The following NSD2 variants were observed in gnomAD, a reference collection of about 807,000 sequenced individuals.
NSD2 encodes histone-lysine N-methyltransferase NSD2.
NSD2 carries 12 observed loss-of-function variants against 139.0 expected under a neutral mutation model. The ratio of observed to expected loss-of-function variants is 0.09; its 90% CI spans 0.06 to 0.14. The LOEUF (loss-of-function observed/expected upper bound fraction) is 0.14. NSD2 is among the 10% of genes least tolerant of loss of function. The pLI, the probability that NSD2 is intolerant of heterozygous loss-of-function variation, is 1.00. For missense variants in NSD2, 1,155 were observed against 1,745.0 expected, an observed-to-expected ratio of 0.66 and a Z score of 6.02; for synonymous variants, 669 against 648.7, an observed-to-expected ratio of 1.03 and a Z score of -0.48.
intron 5 of NSD2, among the ~76,000 whole-genome samples, chr4:1,927,872 A>G (rs1721143225): frequency 6.6e-6 from 1 of 151,366 alleles, no homozygotes; most frequent in Non-Finnish European, 1.5e-5. Context: ...TTGGTTTTCC[A>G]TGTTTTTTTG....
rs1057270567 is a variant in NSD2 at position 1,979,637 on chromosome 4, C to T, written c.*728C>T. 3.0e-5 allele frequency: 7 copies of T among 232,424 alleles called. No individual in the cohort carries two copies. The South Asian group carries it at 5.4e-4, about 18-fold the overall frequency. 14.4% of individuals were successfully genotyped at this position (232,424 alleles called of 1,614,324 possible). A position where few individuals can be genotyped will look rare whatever the true frequency, so the allele number is the denominator to read the frequency against. On this transcript the variant is annotated 3_prime_UTR_variant, in exon 22 of 22. Coordinates refer to ENST00000508803, the MANE Select transcript of NSD2 (RefSeq NM_001042424.3). ...ACGCGGAGCACTTTCGAGGCCTGGC[C>T]GGGTTGGGCCTACTTCTCACCTGGG...
Position 1,951,209 on chromosome 4 carries a change from G to A in NSD2, c.2013+6G>A, listed in dbSNP as rs755835567. On this transcript the variant is annotated splice_donor_region_variant and intron_variant, in intron 10 of 21. Transcript: ENST00000508803. Reference sequence around the variant, plus strand: ...AAAAGGAGTATGTGTGCCAGGTGAGGAGAAGGCAGCATCCGCTATGTCCGT... The same window carrying A: ...AAAAGGAGTATGTGTGCCAGGTGAGAAGAAGGCAGCATCCGCTATGTCCGT... The A allele has an allele frequency of 4.4e-5, 71 of 1,613,942 alleles. 2 individuals are homozygous for A. The South Asian group carries it at 7.6e-4, about 17-fold the overall frequency.
intron 9 of NSD2, chr4:1,944,912 C>A: frequency 9.4e-7 from 1 of 1,063,316 alleles, no homozygotes; most frequent in Non-Finnish European, 1.1e-6. Flanking sequence ...TATCTCCCAA[C>A]TAGAAACAGC....
chr4:1,879,311 T>C (rs977271047), intron 1 of NSD2, among the ~76,000 whole-genome samples: 1 of 152,130 alleles, frequency 6.6e-6, no homozygotes, highest in Admixed American at 6.6e-5. Flanking sequence ...CTCCGCCTCC[T>C]GGGTTCACAC....
At chr4:1,876,305 A>G (rs1577346522) in intron 1 of NSD2, among the ~76,000 whole-genome samples, 2 of 152,274 alleles carry the variant, frequency 1.3e-5, no homozygotes, top group East Asian at 3.9e-4. Context: ...TTTTCAAAGC[A>G]TTTTACTTTC....
At chr4:1,971,224 C>A (rs1012366328) in intron 18 of NSD2, among the ~76,000 whole-genome samples, 4 of 152,048 alleles carry the variant, frequency 2.6e-5, no homozygotes, top group African/African-American at 9.7e-5. Flanking sequence ...AAAGGTATGC[C>A]AAGGTGAAGT....
At chr4:1,885,480 G>A (rs528980531) in intron 1 of NSD2, among the ~76,000 whole-genome samples, 10 of 152,166 alleles carry the variant, frequency 6.6e-5, no homozygotes, top group Admixed American at 2.0e-4. Flanking sequence ...CTTCTGATAT[G>A]TTGATAAAAC....
In NSD2 at chr4:1,980,074, C is replaced by T; in HGVS notation, c.*1165C>T. 1 of 233,370 alleles carries T rather than the reference C, an allele frequency of 4.3e-6. No homozygotes were observed. Among genetic ancestry groups the T allele is most frequent in the Non-Finnish European group, 8.5e-6 (1 of 118,104 alleles). 14.5% of individuals were successfully genotyped at this position (233,370 alleles called of 1,614,324 possible). A position where few individuals can be genotyped will look rare whatever the true frequency, so the allele number is the denominator to read the frequency against. The stretch of plus-strand genomic sequence containing the variant: ...TGATCACATGTGCCCTCTGCCAGGG[C>T]ACCTACTGAGAGGTGCGGTCCTGGG... On this transcript the variant is annotated 3_prime_UTR_variant, in exon 22 of 22. Coordinates refer to ENST00000508803, the MANE Select transcript of NSD2 (RefSeq NM_001042424.3).
chr4:1,961,558 C>T (rs971639770), intron 18 of NSD2, among the ~76,000 whole-genome samples: 15 of 152,188 alleles, frequency 9.9e-5, no homozygotes, highest in Non-Finnish European at 7.3e-5. Context: ...GTAGCAGAAT[C>T]GTTTTTGCTT....
At chr4:1,899,181 G>A (rs560726770) in intron 1 of NSD2, 1 of 152,298 alleles carries the variant, frequency 6.6e-6, no homozygotes, top group African/African-American at 2.4e-5. Flanking sequence ...ATTTTTTCAA[G>A]GTTTTACATT....
intron 6 of NSD2, among the ~76,000 whole-genome samples, chr4:1,932,998 A>G (rs1021315472): frequency 1.6e-4 from 25 of 152,276 alleles, no homozygotes; most frequent in African/African-American, 5.5e-4. Context: ...TGTGGTGCCT[A>G]TGCTTGGCAG....
At chr4:1,971,143 G>C (rs917323588) in intron 18 of NSD2, among the ~76,000 whole-genome samples, 12 of 152,184 alleles carry the variant, frequency 7.9e-5, no homozygotes, top group African/African-American at 2.9e-4. Context: ...TGGATTGCTT[G>C]AGCTCTGGAG....
In NSD2 at chr4:1,932,736, G is replaced by A. The variant is rs184095879; in HGVS notation, c.1555+1966G>A. On this transcript the variant is annotated intron_variant, in intron 6 of 21. Transcript: ENST00000508803. ...ATTCCAGCCAATGGAATGGCCAACA[G>A]GAGCGAAACTCCATCTCAAAAAAAA... is the stretch of plus-strand genomic sequence containing the variant. Among the ~76,000 whole-genome samples, 407 of 152,286 alleles carry A rather than the reference G, an allele frequency of 2.7e-3. 3 individuals are homozygous for A. Among genetic ancestry groups the A allele is most frequent in the African/African-American group, 9.4e-3 (391 of 41,560 alleles).
At chr4:1,871,967 C>T (rs1468147695) in intron 1 of NSD2, among the ~76,000 whole-genome samples, 8 of 149,176 alleles carry the variant, frequency 5.4e-5, no homozygotes, top group Non-Finnish European at 1.0e-4. Context: ...GTTCCCGCGG[C>T]GCCGAGCGGG....
intron 9 of NSD2, chr4:1,943,771 T>C (rs947892731): frequency 3.1e-5 from 33 of 1,059,626 alleles, no homozygotes; most frequent in Non-Finnish European, 3.8e-5. Context: ...AAAAAGATGG[T>C]ATAAAAATGG....
chr4:1,914,916 A>T (rs1719159183), intron 3 of NSD2, among the ~76,000 whole-genome samples: 1 of 151,970 alleles, frequency 6.6e-6, no homozygotes, highest in Non-Finnish European at 1.5e-5. Flanking sequence ...GGACTGTTTT[A>T]GTTGGAGACT....
chr4:1,947,642 A>G, intron 9 of NSD2: 7 of 1,055,682 alleles, frequency 6.6e-6, no homozygotes, highest in Non-Finnish European at 8.0e-6. Flanking sequence ...TTGATTTCAC[A>G]CTCATTTAAT....
chr4:1,921,172 C>T (rs1364521189), intron 5 of NSD2, among the ~76,000 whole-genome samples: 1 of 152,030 alleles, frequency 6.6e-6, no homozygotes, highest in Non-Finnish European at 1.5e-5. Context: ...AAGCATTCTC[C>T]TTAGGCCAGG....
intron 3 of NSD2, 57 bp downstream of exon 3, chr4:1,904,435 A>G (rs559249019): frequency 1.3e-6 from 2 of 1,528,392 alleles, no homozygotes; most frequent in Admixed American, 2.0e-5. Context: ...AATCTTTCTC[A>G]TCTCCAGGCT....
Sources: allele counts gnomAD v4.1 joint callset (sites outside exome capture counted in the v4.1 genomes callset), GRCh38; gene constraint gnomAD v4.1.1; transcripts MANE v1.5; gene names NCBI Gene and HGNC (gene_info 2026-07-23, HGNC 2026-07-21).